The following METTL5 variants were observed in gnomAD, a reference collection of about 807,000 sequenced individuals.
METTL5 encodes methyltransferase 5, N6-adenosine.
A neutral mutation model predicts 26.5 loss-of-function variants in METTL5; 28 were observed. The ratio of observed to expected loss-of-function variants is 1.06; its 90% CI spans 0.78 to 1.45. The LOEUF is 1.45. Among genes scored for constraint, METTL5 ranks in the 40% most tolerant of loss-of-function variants. METTL5 has a pLI of 0.00. For missense variants in METTL5, 231 were observed against 249.9 expected (o/e 0.92, Z 0.51); for synonymous variants, 86 against 82.6 (o/e 1.04, Z -0.22).
chr2:169,823,630 G>C (rs767150046), intron 1 of METTL5, among the ~76,000 whole-genome samples: 1 of 152,048 alleles, frequency 6.6e-6, no homozygotes, highest in East Asian at 1.9e-4. Flanking sequence ...GACCATCTTG[G>C]GCAACATAGC....
At chr2:169,816,884 G>T (rs7593513) in intron 4 of METTL5, among the ~76,000 whole-genome samples, 8,408 of 152,198 alleles carry the variant, frequency 0.055, 446 homozygotes, top group African/African-American at 0.14. Flanking sequence ...CATGGGCAAA[G>T]ATTTCATGAC....
At chr2:169,822,826 T>C (rs557577585) in intron 1 of METTL5, among the ~76,000 whole-genome samples, 1 of 152,254 alleles carries the variant, frequency 6.6e-6, no homozygotes, top group East Asian at 1.9e-4. Flanking sequence ...TCTACAGACA[T>C]ATATATTCAT....
At chr2:169,823,225 C>T (rs965005774) in intron 1 of METTL5, among the ~76,000 whole-genome samples, 2 of 152,048 alleles carry the variant, frequency 1.3e-5, no homozygotes, top group Non-Finnish European at 2.9e-5. Flanking sequence ...CATCCTCTTG[C>T]CTTGGCCTCC....
intron 5 of METTL5, among the ~76,000 whole-genome samples, chr2:169,814,640 T>G (rs1394767278): frequency 1.3e-5 from 2 of 149,920 alleles, no homozygotes; most frequent in Admixed American, 1.3e-4. Flanking sequence ...AGTGGCGCGA[T>G]CTCAGCTCAC....
Position 169,824,562 on chromosome 2 carries a change from G to A in METTL5, c.36C>T (p.Arg12=). The A allele has an allele frequency of 6.2e-7, 1 of 1,614,172 alleles. No homozygotes were observed. Among genetic ancestry groups the A allele is most frequent in the Non-Finnish European group, 8.5e-7 (1 of 1,180,000 alleles). The change falls in exon 1 of 7, where the codon CGC becomes CGT. Residue 12 remains arginine (R), a synonymous_variant. Coordinates refer to ENST00000260953, the MANE Select transcript of METTL5 (RefSeq NM_014168.4). ...TTTCAAATCCATCCACTTGTTGCAG[G>A]CGACTCTCTAGTTCCTTAAGCCTTA... is the stretch of plus-strand genomic sequence containing the variant. ...KKVRLKELES[R]LQQVDGFEKP...
At chr2:169,823,405 C>T (rs768647050) in intron 1 of METTL5, among the ~76,000 whole-genome samples, 1 of 152,238 alleles carries the variant, frequency 6.6e-6, no homozygotes, top group Admixed American at 6.5e-5. Flanking sequence ...TGGTTGGAAT[C>T]ATGACAGTAT....
chr2:169,812,974 A>G (rs760468070), intron 5 of METTL5: 2 of 154,272 alleles, frequency 1.3e-5, no homozygotes, highest in African/African-American at 2.4e-5. Flanking sequence ...AGATTCTCCA[A>G]ACTCTTTACT....
intron 4 of METTL5, among the ~76,000 whole-genome samples, chr2:169,819,086 G>A (rs2081548151): frequency 6.6e-6 from 1 of 152,120 alleles, no homozygotes; most frequent in South Asian, 2.1e-4. Flanking sequence ...CAGTTTCCTG[G>A]ACTACAACTT....
intron 4 of METTL5, among the ~76,000 whole-genome samples, chr2:169,817,511 G>A (rs1160191397): frequency 6.6e-6 from 1 of 152,134 alleles, no homozygotes; most frequent in Non-Finnish European, 1.5e-5. Context: ...ATTCACAATA[G>A]CAAAGACTTG....
intron 6 of METTL5, chr2:169,812,176 T>G (rs1689985428): frequency 1.8e-6 from 1 of 570,940 alleles, no homozygotes; most frequent in African/African-American, 1.9e-5. Context: ...TCTCCTAGGC[T>G]GGCTTTGTAT....
chr2:169,820,899 G>GTA (rs139498617), intron 3 of METTL5, among the ~76,000 whole-genome samples, 193 bp downstream of exon 3: 1 of 151,828 alleles, frequency 6.6e-6, no homozygotes, highest in Non-Finnish European at 1.5e-5. Flanking sequence ...GTGTGTGTGT[G>GTA]TGTGTGTGTG....
rs972344015 is a variant in METTL5, at chr2:169,817,313, G to C, written c.490-1785C>G. On this transcript the variant is annotated intron_variant, in intron 4 of 6. Coordinates refer to ENST00000260953, the MANE Select transcript of METTL5 (RefSeq NM_014168.4). ...ATGCTGGAGAGGATGTGGAGAAATA[G>C]GAATGCTTTTACACTGTTAGGAGTG... Among the ~76,000 whole-genome samples, 17 of 152,280 alleles carry C rather than the reference G, an allele frequency of 1.1e-4. No individual in the cohort carries two copies. The South Asian group carries it at 3.5e-3, about 32-fold the overall frequency.
At chr2:169,816,073 T>C (rs73016471) in intron 4 of METTL5, among the ~76,000 whole-genome samples, 9,543 of 152,258 alleles carry the variant, frequency 0.063, 363 homozygotes, top group East Asian at 0.12. Context: ...CAGAATGCAT[T>C]AGTCAGAACA....
rs146146173 is a variant in METTL5 at position 169,815,290 on chromosome 2, C to T, written c.541+187G>A. 5.6e-4 allele frequency among the ~76,000 whole-genome samples: 86 copies of T among 152,282 alleles called. 2 individuals carry two copies. In the East Asian group the frequency reaches 0.011, roughly 19 times the overall value. ...GTGCTATTAGAAATTTTCAGTAAAT[C>T]GCATAAATTAGGACAGTCTCAGGCT... On this transcript the variant is annotated intron_variant, in intron 5 of 6. Coordinates refer to ENST00000260953, the MANE Select transcript of METTL5 (RefSeq NM_014168.4).
chr2:169,812,286 G>GC (rs1407358678), intron 6 of METTL5, 171 bp downstream of exon 6: 1 of 1,030,882 alleles, frequency 9.7e-7, no homozygotes, highest in Admixed American at 2.0e-5. Context: ...TATCGCGCAG[G>GC]CTGGAGTTCA....
intron 2 of METTL5, 86 bp from the exon 3 acceptor site, chr2:169,821,359 C>A: frequency 1.0e-6 from 1 of 967,694 alleles, no homozygotes; most frequent in Non-Finnish European, 1.5e-6. Context: ...TTTTTTTAAA[C>A]CATATATCTT....
At chr2:169,812,937 A>G (rs1690021097) in intron 5 of METTL5, 1 of 155,320 alleles carries the variant, frequency 6.4e-6, no homozygotes, top group Admixed American at 6.5e-5. Context: ...CCAGTTTTTC[A>G]TATTTCTTCC....
rs778480669 is a variant in METTL5, at chr2:169,815,468, T to C, written c.541+9A>G. The C allele has an allele frequency of 4.4e-6, 7 of 1,588,128 alleles. No individual in the cohort carries two copies. In the East Asian group the frequency reaches 1.6e-4, roughly 36 times the overall value. On this transcript the variant is annotated intron_variant, in intron 5 of 6. Transcript: ENST00000260953. The stretch of plus-strand genomic sequence containing the variant: ...CCCTTTTGGATATTAGGATTGAGAT[T>C]TGTCTTACCTGCTATAATATCTATC...
At chr2:169,821,408 C>CT (rs370579426) in intron 2 of METTL5, 135 bp from the exon 3 acceptor site, 54,694 of 487,948 alleles carry the variant, frequency 0.11, 560 homozygotes, top group African/African-American at 0.16. Context: ...GTGTTTTCTT[C>CT]TTTTTTTTTT....
Sources: allele counts gnomAD v4.1 joint callset (sites outside exome capture counted in the v4.1 genomes callset), GRCh38; gene constraint gnomAD v4.1.1; transcripts MANE v1.5; gene names NCBI Gene and HGNC (gene_info 2026-07-23, HGNC 2026-07-21).